ATP8A1: variants seen among roughly 807,000 people sequenced by gnomAD.
The protein encoded by ATP8A1 is ATPase phospholipid transporting 8A1, also known as phospholipid-transporting ATPase IA.
In ATP8A1, 90 loss-of-function variants were observed where a neutral mutation model predicts 177.7. The observed-to-expected ratio is 0.51, with a 90% CI of 0.43 to 0.60. The LOEUF is 0.60. Among genes scored for constraint, ATP8A1 ranks in the 20% least tolerant of loss-of-function variants. The pLI, the probability that ATP8A1 is intolerant of heterozygous loss-of-function variation, is 0.00. For missense variants in ATP8A1, 1,072 were observed against 1,392.8 expected (o/e 0.77, Z 3.67); for synonymous variants, 493 against 485.9 (o/e 1.01, Z -0.19).
Position 42,575,675 on chromosome 4 carries a change from T to C in ATP8A1, c.1153A>G (p.Thr385Ala). 1 of 1,613,636 alleles carries C rather than the reference T, an allele frequency of 6.2e-7. No homozygotes were observed. The highest frequency in any genetic ancestry group is 8.5e-7 in the Non-Finnish European group (1 of 1,179,676). The change falls in exon 13 of 37, where the codon ACA becomes GCA. Residue 385 changes from threonine (T) to alanine (A), a missense_variant. Thr to Ala is a moderately conservative substitution (Grantham distance 58). Coordinates refer to ENST00000381668, the MANE Select transcript of ATP8A1 (RefSeq NM_006095.2). ...GTTCGAGCCATAGCAGCAGTGTCTGTGGGTTCATAGTGCATGTCAAGATCC... is the reference window on the plus strand; with the variant it reads ...GTTCGAGCCATAGCAGCAGTGTCTGCGGGTTCATAGTGCATGTCAAGATCC... ...NWDLDMHYEPTDTAAMARTSN... is the reference protein window; with the variant it reads ...NWDLDMHYEPADTAAMARTSN...
intron 30 of ATP8A1, among the ~76,000 whole-genome samples, chr4:42,447,902 A>C (rs1399698642): frequency 6.6e-6 from 1 of 152,198 alleles, no homozygotes; most frequent in Non-Finnish European, 1.5e-5. Flanking sequence ...ACCAAGCAGT[A>C]TCAGGGCAAG....
Position 42,575,624 on chromosome 4 carries a change from G to A in ATP8A1, c.1204C>T (p.Gln402Ter). The change falls in exon 13 of 37, where the codon CAG (glutamine) becomes TAG (stop). Residue 402 changes from glutamine to a stop codon, truncating the protein, a stop_gained and splice_region_variant. Transcript: ENST00000381668. LOFTEE classifies it high-confidence loss of function. ...RTSNLNEELG[Q>*]VKYIFSDKTG... is the part of the protein sequence containing the mutation. ...AATCAACAATAAATTGAGTTTACCT[G>A]GCCAAGTTCCTCATTCAGATTAGAT... 6.2e-7 allele frequency: 1 copy of A among 1,613,024 alleles called. No individual in the cohort carries two copies. Among genetic ancestry groups the A allele is most frequent in the Non-Finnish European group, 8.5e-7 (1 of 1,179,234 alleles).
At chr4:42,431,418 GTTTA>G (rs1577917434) in intron 33 of ATP8A1, among the ~76,000 whole-genome samples, 1 of 152,170 alleles carries the variant, frequency 6.6e-6, no homozygotes, top group South Asian at 2.1e-4. Flanking sequence ...AGAATGGTAT[GTTTA>G]TTTATTCAAC....
At chr4:42,559,891 A>T (rs1730636946) in intron 15 of ATP8A1, among the ~76,000 whole-genome samples, 1 of 152,216 alleles carries the variant, frequency 6.6e-6, no homozygotes, top group African/African-American at 2.4e-5. Flanking sequence ...TTTTTAGTAG[A>T]GACAAGGTTT....
At chr4:42,589,561 C>T (rs755496825) in intron 7 of ATP8A1, among the ~76,000 whole-genome samples, 45 of 152,080 alleles carry the variant, frequency 3.0e-4, no homozygotes, top group Admixed American at 1.2e-3. Flanking sequence ...TTCAATTTAC[C>T]CTATGAGCTT....
intron 1 of ATP8A1, among the ~76,000 whole-genome samples, chr4:42,628,571 C>T (rs907403722): frequency 4.6e-5 from 7 of 152,118 alleles, no homozygotes; most frequent in African/African-American, 1.4e-4. Context: ...CACATGGCTC[C>T]GAGTAGATTC....
intron 20 of ATP8A1, among the ~76,000 whole-genome samples, chr4:42,525,391 C>T (rs1726573694): frequency 6.6e-6 from 1 of 150,534 alleles, no homozygotes; most frequent in African/African-American, 2.4e-5. Context: ...GGGACCAGTG[C>T]TCACAGAAGA....
intron 14 of ATP8A1, among the ~76,000 whole-genome samples, chr4:42,573,748 A>T (rs1387761996): frequency 6.6e-6 from 1 of 152,096 alleles, no homozygotes; most frequent in African/African-American, 2.4e-5. Flanking sequence ...AAAATGTAAC[A>T]CTCTTTGTCA....
intron 23 of ATP8A1, among the ~76,000 whole-genome samples, chr4:42,505,737 A>T (rs1724298183): frequency 6.6e-6 from 1 of 152,210 alleles, no homozygotes; most frequent in Non-Finnish European, 1.5e-5. Flanking sequence ...GCTAAATTTT[A>T]AAAAATACAC....
chr4:42,539,914 G>T (rs1240090512), intron 20 of ATP8A1, among the ~76,000 whole-genome samples: 1 of 152,024 alleles, frequency 6.6e-6, no homozygotes, highest in Admixed American at 6.6e-5. Flanking sequence ...CCAAGATCTT[G>T]AAAACACAGG....
chr4:42,455,504 T>G (rs550967538), intron 28 of ATP8A1, 21 bp downstream of exon 28: 3 of 1,613,460 alleles, frequency 1.9e-6, no homozygotes, highest in South Asian at 2.2e-5. Flanking sequence ...AAACAGGAAT[T>G]ATCAAATGTC....
chr4:42,569,258 G>A (rs892553557), intron 14 of ATP8A1, 53 bp from the exon 15 acceptor site: 2 of 1,446,656 alleles, frequency 1.4e-6, no homozygotes, highest in East Asian at 4.8e-5. Flanking sequence ...TCACAGAAAG[G>A]CTGGAAACAT....
At chr4:42,523,962 G>A (rs1239702489) in intron 21 of ATP8A1, among the ~76,000 whole-genome samples, 3 of 151,986 alleles carry the variant, frequency 2.0e-5, no homozygotes, top group African/African-American at 7.3e-5. Context: ...TATTTGATTA[G>A]GTCAGTTTGG....
intron 6 of ATP8A1, among the ~76,000 whole-genome samples, chr4:42,597,078 T>G (rs143098466): frequency 6.6e-6 from 1 of 152,294 alleles, no homozygotes; most frequent in Admixed American, 6.5e-5. Flanking sequence ...ATCTGAGAGC[T>G]GAAGTCTGCC....
chr4:42,448,536 T>C (rs1339236655), intron 30 of ATP8A1, among the ~76,000 whole-genome samples: 2 of 151,196 alleles, frequency 1.3e-5, no homozygotes, highest in African/African-American at 4.9e-5. Flanking sequence ...TAGTTGGGGT[T>C]ACAGGCACAC....
chr4:42,538,910 T>A (rs978844651), intron 20 of ATP8A1, among the ~76,000 whole-genome samples: 2 of 152,214 alleles, frequency 1.3e-5, no homozygotes, highest in Admixed American at 1.3e-4. Context: ...CTCCTGGGTA[T>A]CTACCCAGAG....
chr4:42,618,655 G>A (rs1737151322), intron 4 of ATP8A1, among the ~76,000 whole-genome samples: 1 of 152,120 alleles, frequency 6.6e-6, no homozygotes, highest in Non-Finnish European at 1.5e-5. Context: ...CCCTGTTACT[G>A]TTGCTGAGAC....
At chr4:42,604,015 C>A (rs1471472644) in intron 5 of ATP8A1, among the ~76,000 whole-genome samples, 1 of 152,180 alleles carries the variant, frequency 6.6e-6, no homozygotes, top group Admixed American at 6.5e-5. Context: ...TTGCCTCTTT[C>A]CTGTCATCAC....
At position 42,412,925 on chromosome 4, in the gene ATP8A1, G is replaced by A. The variant is rs372305715; in HGVS notation, c.3486C>T (p.Asp1162=). The change falls in exon 37 of 37, where the codon GAC becomes GAT. Residue 1162 remains aspartate, a synonymous_variant. Transcript: ENST00000381668. ...TTTCAGGCTCTCCCCATCACCATTC[G>A]TCGGGCCTCTGTTTCGTGGTATCAT... is the stretch of plus-strand genomic sequence containing the variant. The part of the protein sequence containing the change: ...RAYDTTKQRP[D]EW 1.5e-5 allele frequency: 24 copies of A among 1,613,130 alleles called. No homozygotes were observed. The highest frequency in any genetic ancestry group is 8.8e-5 in the South Asian group (8 of 91,064).
Sources: allele counts gnomAD v4.1 joint callset (sites outside exome capture counted in the v4.1 genomes callset), GRCh38; gene constraint gnomAD v4.1.1; transcripts MANE v1.5; gene names NCBI Gene and HGNC (gene_info 2026-07-23, HGNC 2026-07-21).